ATP10B: variants seen among roughly 807,000 people sequenced by gnomAD.
The protein encoded by ATP10B is phospholipid-transporting ATPase VB.
Under a neutral mutation model 141.2 loss-of-function variants are expected in ATP10B, and 122 were observed. That is an observed-to-expected ratio of 0.86 (90% confidence interval 0.75 to 1.00). The LOEUF is 1.00. Among genes scored for constraint, ATP10B ranks in the 50% least tolerant of loss-of-function variants. ATP10B has a pLI of 0.00. For synonymous variants in ATP10B, 685 were observed against 692.0 expected (o/e 0.99, Z 0.16); for missense variants, 1,876 against 1,825.3 (o/e 1.03, Z -0.51).
At chr5:160,832,372 A>G (rs1482459671) in intron 1 of ATP10B, among the ~76,000 whole-genome samples, 1 of 152,158 alleles carries the variant, frequency 6.6e-6, no homozygotes, top group Non-Finnish European at 1.5e-5. Flanking sequence ...AATACTATAT[A>G]AATACTCAAA....
chr5:160,641,727 C>T (rs1442228997), intron 9 of ATP10B, among the ~76,000 whole-genome samples: 2 of 152,204 alleles, frequency 1.3e-5, no homozygotes, highest in Non-Finnish European at 2.9e-5. Flanking sequence ...TGCCATACTC[C>T]TCAGCAGTCA....
rs139869291 is a variant in ATP10B, at chr5:160,779,132, T to C, written c.-331+6427A>G. Among the ~76,000 whole-genome samples, 955 of 152,304 alleles carry C rather than the reference T, an allele frequency of 6.3e-3. 8 individuals are homozygous for C. Among genetic ancestry groups the C allele is most frequent in the African/African-American group, 0.022 (904 of 41,562 alleles). On this transcript the variant is annotated intron_variant, in intron 2 of 25. Transcript: ENST00000327245. ...GCCCTAGCAGTGACTTTGTGGTTTTTATATAATCACAAAAAGGCTACTAAA... is the reference window on the plus strand; with the variant it reads ...GCCCTAGCAGTGACTTTGTGGTTTTCATATAATCACAAAAAGGCTACTAAA...
the ATP10B span, among the ~76,000 whole-genome samples, chr5:160,866,315 A>C: frequency 6.6e-6 from 1 of 152,096 alleles, no homozygotes; most frequent in East Asian, 1.9e-4. Flanking sequence ...AGGAATAGAA[A>C]ATAAAATATT....
At position 160,670,645 on chromosome 5, in the gene ATP10B, T is replaced by C. The variant is rs1230345565; in HGVS notation, c.493A>G (p.Lys165Glu). ...CCCACGCGCACATCCTTCCAGCACT[T>C]CTGCACATAGGTCTGCTCTTTTCTT... ...YERKEQTYVQ[K>E]CWKDVRVGDF... Residue 165 changes from lysine (K) to glutamate (E), a missense_variant, in exon 7 of 26, where the codon AAG becomes GAG. Physicochemically the swap from Lys to Glu is moderately conservative, Grantham distance 56. Transcript: ENST00000327245. 1 of 1,613,570 alleles carries C rather than the reference T, an allele frequency of 6.2e-7. No individual in the cohort carries two copies. The highest frequency in any genetic ancestry group is 1.7e-5 in the Admixed American group (1 of 59,982).
the ATP10B span, among the ~76,000 whole-genome samples, chr5:160,896,466 C>T: frequency 6.6e-5 from 10 of 152,262 alleles, no homozygotes; most frequent in African/African-American, 2.2e-4. Flanking sequence ...AATTCCTGGA[C>T]ATATACACCC....
At chr5:160,599,464 T>C (rs1756953922) in intron 21 of ATP10B, among the ~76,000 whole-genome samples, 1 of 152,216 alleles carries the variant, frequency 6.6e-6, no homozygotes, top group South Asian at 2.1e-4. Flanking sequence ...GACAAACTAC[T>C]TAATCTTTCT....
intron 7 of ATP10B, among the ~76,000 whole-genome samples, chr5:160,661,972 A>G (rs1320937017): frequency 1.3e-5 from 2 of 152,202 alleles, no homozygotes; most frequent in Non-Finnish European, 2.9e-5. Context: ...AAATCAATGT[A>G]CAAAAATCAC....
intron 1 of ATP10B, among the ~76,000 whole-genome samples, chr5:160,833,946 C>T (rs1775266221): frequency 6.6e-6 from 1 of 152,046 alleles, no homozygotes; most frequent in Non-Finnish European, 1.5e-5. Context: ...ATAATATATG[C>T]CCTGTGGTTT....
intron 1 of ATP10B, among the ~76,000 whole-genome samples, chr5:160,847,269 TAGTC>T (rs1222184350): frequency 2.0e-5 from 3 of 152,196 alleles, no homozygotes; most frequent in Non-Finnish European, 4.4e-5. Context: ...GATTCTATAA[TAGTC>T]AGTTATGTAA....
chr5:160,798,342 T>A (rs1331309753), intron 1 of ATP10B, among the ~76,000 whole-genome samples: 1 of 152,188 alleles, frequency 6.6e-6, no homozygotes, highest in Non-Finnish European at 1.5e-5. Context: ...AGAAATAGTG[T>A]CTTCACAGAT....
intron 1 of ATP10B, among the ~76,000 whole-genome samples, chr5:160,822,895 T>A (rs1774213408): frequency 6.7e-6 from 1 of 149,022 alleles, no homozygotes; most frequent in Admixed American, 6.7e-5. Flanking sequence ...GGAGGGGTAG[T>A]GGAGATGGCT....
At chr5:160,928,068 G>A in the ATP10B span, among the ~76,000 whole-genome samples, 1 of 152,208 alleles carries the variant, frequency 6.6e-6, no homozygotes, top group Non-Finnish European at 1.5e-5. Flanking sequence ...CCTGATATGA[G>A]GTGAGGGTGG....
At chr5:160,784,242 T>C (rs537884751) in intron 2 of ATP10B, among the ~76,000 whole-genome samples, 11 of 152,268 alleles carry the variant, frequency 7.2e-5, no homozygotes, top group Admixed American at 2.0e-4. Context: ...CAAAATTATC[T>C]TCTTTTGGCT....
At chr5:160,894,614 C>G in the ATP10B span, among the ~76,000 whole-genome samples, 3 of 152,070 alleles carry the variant, frequency 2.0e-5, no homozygotes, top group South Asian at 2.1e-4. Context: ...AATGGAACCA[C>G]GTTGGAAAAC....
intron 1 of ATP10B, among the ~76,000 whole-genome samples, chr5:160,812,533 G>A (rs1773249123): frequency 6.6e-6 from 1 of 152,140 alleles, no homozygotes; most frequent in Non-Finnish European, 1.5e-5. Flanking sequence ...AATTCTATCA[G>A]ATAAATTTTA....
intron 2 of ATP10B, among the ~76,000 whole-genome samples, chr5:160,748,139 G>A (rs753455333): frequency 2.6e-5 from 4 of 152,074 alleles, no homozygotes; most frequent in Non-Finnish European, 5.9e-5. Flanking sequence ...TGAAACATGC[G>A]GTGTAGATTA....
intron 2 of ATP10B, among the ~76,000 whole-genome samples, chr5:160,725,599 T>A (rs763293970): frequency 6.6e-6 from 1 of 152,204 alleles, no homozygotes; most frequent in Admixed American, 6.5e-5. Flanking sequence ...GCGCCCGCCA[T>A]CACACCCGGC....
the ATP10B span, among the ~76,000 whole-genome samples, chr5:160,861,233 T>C: frequency 6.6e-6 from 1 of 151,876 alleles, no homozygotes; most frequent in African/African-American, 2.4e-5. Flanking sequence ...GGCTGAATAG[T>C]AAGGAAGAAA....
At chr5:160,915,272 C>CAA in the ATP10B span, among the ~76,000 whole-genome samples, 2,527 of 151,694 alleles carry the variant, frequency 0.017, 72 homozygotes, top group African/African-American at 0.059. Context: ...GGAGAACTCA[C>CAA]AAAAATACAG....
Sources: allele counts gnomAD v4.1 joint callset (sites outside exome capture counted in the v4.1 genomes callset), GRCh38; gene constraint gnomAD v4.1.1; transcripts MANE v1.5; gene names NCBI Gene and HGNC (gene_info 2026-07-23, HGNC 2026-07-21).